The following EXT1 variants were observed in gnomAD, a reference collection of about 807,000 sequenced individuals.
EXT1 encodes exostosin-1.
Under a neutral mutation model 82.5 loss-of-function variants are expected in EXT1, and 20 were observed. The ratio of observed to expected loss-of-function variants is 0.24; its 90% CI spans 0.17 to 0.35. The LOEUF is 0.35. EXT1 is among the 10% of genes least tolerant of loss of function. The pLI is 1.00. For synonymous variants in EXT1, 348 were observed against 350.8 expected (o/e 0.99, Z 0.09); for missense variants, 757 against 936.5 (o/e 0.81, Z 2.50).
At chr8:117,981,539 T>G (rs1201030981) in intron 1 of EXT1, among the ~76,000 whole-genome samples, 4 of 152,170 alleles carry the variant, frequency 2.6e-5, no homozygotes, top group Non-Finnish European at 4.4e-5. Context: ...CCATTGGTGA[T>G]GTATGTTGGT....
At chr8:118,003,851 C>T (rs1815723565) in intron 1 of EXT1, among the ~76,000 whole-genome samples, 2 of 152,180 alleles carry the variant, frequency 1.3e-5, no homozygotes, top group African/African-American at 4.8e-5. Context: ...TATTTATTTA[C>T]TTCAAACAAG....
At position 118,091,787 on chromosome 8, in the gene EXT1, C is replaced by A. The variant is rs143334898; in HGVS notation, c.962+18298G>T. ...AATAAATCTAACTCTCCCTCTCTCT[C>A]TCTATATATATATGTATCTTCTAAA... On this transcript the variant is annotated intron_variant, in intron 1 of 10. Coordinates refer to ENST00000378204, the MANE Select transcript of EXT1 (RefSeq NM_000127.3). Among the ~76,000 whole-genome samples, 137 of 151,888 alleles carry A rather than the reference C, an allele frequency of 9.0e-4. 1 individual carries two copies. Among genetic ancestry groups the A allele is most frequent in the African/African-American group, 1.5e-3 (61 of 41,418 alleles).
intron 1 of EXT1, among the ~76,000 whole-genome samples, chr8:117,945,619 A>G (rs564165374): frequency 6.6e-6 from 1 of 152,098 alleles, no homozygotes; most frequent in East Asian, 1.9e-4. Context: ...CTCCATCCTC[A>G]GCCTCCGGAG....
At chr8:117,992,845 C>T (rs757537358) in intron 1 of EXT1, among the ~76,000 whole-genome samples, 11 of 152,224 alleles carry the variant, frequency 7.2e-5, no homozygotes, top group Admixed American at 2.0e-4. Flanking sequence ...TAAGTCTCTT[C>T]TTCCCGGAAT....
At chr8:118,060,367 G>C (rs895948140) in intron 1 of EXT1, among the ~76,000 whole-genome samples, 8 of 152,122 alleles carry the variant, frequency 5.3e-5, no homozygotes, top group Non-Finnish European at 1.2e-4. Context: ...TGGAAATTGG[G>C]AGATTTTCCC....
Position 117,804,924 on chromosome 8 carries a change from G to A in EXT1, c.1884-31C>T, listed in dbSNP as rs960418735. ...AAAATCAAAGATGGGTTTCACAGGG[G>A]GCCATTATCACATGATGACAAGTGG... On this transcript the variant is annotated intron_variant, in intron 9 of 10. Coordinates refer to ENST00000378204, the MANE Select transcript of EXT1 (RefSeq NM_000127.3). 9 of 1,610,816 alleles carry A rather than the reference G, an allele frequency of 5.6e-6. No individual in the cohort carries two copies. The African/African-American group carries it at 1.2e-4, about 22-fold the overall frequency.
intron 1 of EXT1, among the ~76,000 whole-genome samples, chr8:117,885,804 A>G (rs1415974371): frequency 1.3e-5 from 2 of 152,164 alleles, no homozygotes; most frequent in Non-Finnish European, 2.9e-5. Context: ...TCCTTCTCTC[A>G]TATGTCACTA....
intron 1 of EXT1, among the ~76,000 whole-genome samples, chr8:118,076,403 G>A (rs184590787): frequency 5.9e-5 from 9 of 152,346 alleles, no homozygotes; most frequent in African/African-American, 1.9e-4. Flanking sequence ...AGCTGTAAAC[G>A]TTAGTAAGTT....
chr8:117,915,249 C>T (rs1813725427), intron 1 of EXT1, among the ~76,000 whole-genome samples: 1 of 152,090 alleles, frequency 6.6e-6, no homozygotes, highest in South Asian at 2.1e-4. Flanking sequence ...ATTATGCTGA[C>T]TAATTATTAC....
Position 117,992,355 on chromosome 8 carries a change from G to A in EXT1, c.962+117730C>T, listed in dbSNP as rs192880168. ...TATTAAGGTTTGCATTAAACATTCA[G>A]GAGAGCAGCTCTGGGTATATAATTA... is the stretch of plus-strand genomic sequence containing the variant. On this transcript the variant is annotated intron_variant, in intron 1 of 10. Transcript: ENST00000378204. 9.3e-5 allele frequency among the ~76,000 whole-genome samples: 14 copies of A among 150,582 alleles called. No homozygotes were observed. In the East Asian group the frequency reaches 2.7e-3, roughly 29 times the overall value.
chr8:118,067,384 A>T (rs2129955801), intron 1 of EXT1, among the ~76,000 whole-genome samples: 1 of 152,364 alleles, frequency 6.6e-6, no homozygotes, highest in East Asian at 1.9e-4. Context: ...TGTGGTGTGA[A>T]GTAACAAAGA....
chr8:118,064,233 G>C (rs991035888), intron 1 of EXT1, among the ~76,000 whole-genome samples: 1 of 151,902 alleles, frequency 6.6e-6, no homozygotes, highest in Non-Finnish European at 1.5e-5. Flanking sequence ...AGAATGTGCA[G>C]GTTTGTTACA....
At position 117,812,899 on chromosome 8, in the gene EXT1, G is replaced by A. The variant is rs762218262; in HGVS notation, c.1695C>T (p.Asp565=). ...NIITDAVLSL[D]EDTVLSTTEV... is the part of the protein sequence containing the mutation. ...CTGTTGTTGAAAGCACCGTGTCCTC[G>A]TCAAGGCTGAGCACGGCGTCTGTGA... The change falls in exon 8 of 11, where the codon GAC becomes GAT. Residue 565 remains aspartate (D), a synonymous_variant. Transcript: ENST00000378204. 28 of 1,613,928 alleles carry A rather than the reference G, an allele frequency of 1.7e-5. No individual in the cohort carries two copies. The highest frequency in any genetic ancestry group is 4.5e-5 in the East Asian group (2 of 44,894).
intron 1 of EXT1, among the ~76,000 whole-genome samples, chr8:118,043,396 C>T (rs1156344091): frequency 6.6e-6 from 1 of 152,206 alleles, no homozygotes. Context: ...AAGAGACCTA[C>T]TCAGCCAAGA....
intron 1 of EXT1, among the ~76,000 whole-genome samples, chr8:117,858,860 A>G (rs11989731): frequency 0.22 from 8,003 of 36,680 alleles, 418 homozygotes; most frequent in East Asian, 0.3. Flanking sequence ...AAAGAAAGAA[A>G]GAAAGAAAGA....
chr8:117,814,234 G>GGTGTGTGTGT (rs57727618), intron 7 of EXT1, among the ~76,000 whole-genome samples: 45,310 of 146,486 alleles, frequency 0.31, 7,728 homozygotes, highest in Admixed American at 0.44. Context: ...CACACACAGT[G>GGTGTGTGTGT]GTGTGTGTGT....
chr8:117,843,325 G>A (rs1040070230), intron 1 of EXT1, among the ~76,000 whole-genome samples: 5 of 152,164 alleles, frequency 3.3e-5, no homozygotes, highest in African/African-American at 9.7e-5. Context: ...ATTAGTCAGC[G>A]AGAGGAGTGC....
At position 117,794,720 on chromosome 8, in the gene EXT1, T is replaced by C. The variant is rs1392489970; in HGVS notation, c.*4992A>G. 3 of 152,156 alleles carry C rather than the reference T, an allele frequency of 2.0e-5. No individual in the cohort carries two copies. Among genetic ancestry groups the C allele is most frequent in the African/African-American group, 7.2e-5 (3 of 41,430 alleles). The allele number at this position is 152,156 out of a possible 1,614,324, so 9.4% of individuals were successfully genotyped here. On this transcript the variant is annotated 3_prime_UTR_variant, in exon 11 of 11. Transcript: ENST00000378204. Reference sequence around the variant, plus strand: ...ATTACGCTAAGTCATTAATACTCTATAACAAATGGGAAAAACACTTCAGAA... The same window carrying C: ...ATTACGCTAAGTCATTAATACTCTACAACAAATGGGAAAAACACTTCAGAA...
intron 1 of EXT1, among the ~76,000 whole-genome samples, chr8:118,013,392 A>G (rs1436859594): frequency 1.3e-5 from 2 of 152,190 alleles, no homozygotes; most frequent in East Asian, 1.9e-4. Flanking sequence ...TATTTTTAGT[A>G]GAGACGGGGT....
Sources: gnomAD v4.1 joint callset for allele counts (sites outside exome capture counted in the v4.1 genomes callset) on GRCh38, gnomAD v4.1.1 for gene constraint, MANE v1.5 for transcripts, NCBI Gene and HGNC (gene_info 2026-07-23, HGNC 2026-07-21) for gene names.